The following ARB2A variants were observed in gnomAD, a reference collection of about 807,000 sequenced individuals.
ARB2A encodes ARB2 cotranscriptional regulator A, also known as cotranscriptional regulator ARB2A.
At chr5:93,969,620 G>A in the ARB2A span, among the ~76,000 whole-genome samples, 1 of 152,046 alleles carries the variant, frequency 6.6e-6, no homozygotes, top group Non-Finnish European at 1.5e-5. Context: ...GAGAGCAGGG[G>A]TGATCAATGA....
chr5:93,852,157 G>C, the ARB2A span, among the ~76,000 whole-genome samples: 1 of 152,170 alleles, frequency 6.6e-6, no homozygotes, highest in Non-Finnish European at 1.5e-5. Context: ...TAACTGGTGT[G>C]AGATGGTATC....
chr5:93,846,686 ATAT>A, the ARB2A span, among the ~76,000 whole-genome samples: 1 of 152,128 alleles, frequency 6.6e-6, no homozygotes, highest in African/African-American at 2.4e-5. Flanking sequence ...ATACTTATTA[ATAT>A]TATAATATTA....
At chr5:93,826,064 TA>T in the ARB2A span, among the ~76,000 whole-genome samples, 1 of 152,132 alleles carries the variant, frequency 6.6e-6, no homozygotes, top group South Asian at 2.1e-4. Flanking sequence ...GTATGTCACT[TA>T]AGTTGCAAAA....
chr5:93,817,427 C>T, the ARB2A span, among the ~76,000 whole-genome samples: 29 of 152,054 alleles, frequency 1.9e-4, no homozygotes, highest in African/African-American at 5.1e-4. Flanking sequence ...TTAATCAATC[C>T]CAATACAAAT....
the ARB2A span, chr5:94,050,792 A>G: frequency 3.7e-6 from 6 of 1,612,824 alleles, no homozygotes; most frequent in Non-Finnish European, 4.2e-6. Flanking sequence ...GTAGTTAAAA[A>G]CAAATGGTTC....
the ARB2A span, among the ~76,000 whole-genome samples, chr5:93,707,576 CT>C: frequency 8.6e-4 from 119 of 138,030 alleles, no homozygotes; most frequent in Middle Eastern, 3.8e-3. Context: ...TTTTTTCTTT[CT>C]TTTTTTTTTT....
the ARB2A span, among the ~76,000 whole-genome samples, chr5:93,939,792 G>A: frequency 6.6e-6 from 1 of 151,970 alleles, no homozygotes; most frequent in Non-Finnish European, 1.5e-5. Context: ...TTTTCATTCA[G>A]AATTTAAGTT....
chr5:93,721,345 T>C, the ARB2A span, among the ~76,000 whole-genome samples: 1 of 152,186 alleles, frequency 6.6e-6, no homozygotes, highest in South Asian at 2.1e-4. Context: ...GGCAAAAAAA[T>C]AAGGCTTTCT....
the ARB2A span, among the ~76,000 whole-genome samples, chr5:93,663,139 A>C: frequency 3.9e-5 from 6 of 152,280 alleles, no homozygotes; most frequent in South Asian, 1.2e-3. Flanking sequence ...TTTGGAGGGG[A>C]CATATTCAAA....
At chr5:93,692,092 C>A in the ARB2A span, among the ~76,000 whole-genome samples, 1 of 152,092 alleles carries the variant, frequency 6.6e-6, no homozygotes, top group Non-Finnish European at 1.5e-5. Flanking sequence ...TAAAGACCAT[C>A]GACACTATAA....
the ARB2A span, among the ~76,000 whole-genome samples, chr5:93,896,440 G>A: frequency 3.3e-5 from 5 of 152,176 alleles, no homozygotes; most frequent in African/African-American, 1.2e-4. Context: ...TTCAGGCCAT[G>A]TGTATAAGGT....
the ARB2A span, among the ~76,000 whole-genome samples, chr5:94,031,269 G>A: frequency 1.3e-5 from 2 of 152,192 alleles, no homozygotes; most frequent in African/African-American, 4.8e-5. Flanking sequence ...AATACCTTAA[G>A]TGGTCATAAC....
At chr5:93,709,632 CAAAAAAAAAAAAAAA>C in the ARB2A span, among the ~76,000 whole-genome samples, 2 of 41,698 alleles carry the variant, frequency 4.8e-5, no homozygotes, top group African/African-American at 1.5e-4. Flanking sequence ...GACTCTGTCA[CAAAAAAAAAAAAAAA>C]AAAAAAAAAA....
At chr5:93,829,613 A>T in the ARB2A span, among the ~76,000 whole-genome samples, 1 of 152,218 alleles carries the variant, frequency 6.6e-6, no homozygotes, top group East Asian at 1.9e-4. Flanking sequence ...AATGAATAAC[A>T]AAACCACAAC....
the ARB2A span, among the ~76,000 whole-genome samples, chr5:93,633,789 ATAGATTGACAAATCTACCCTGTC>A: frequency 2.6e-5 from 4 of 152,124 alleles, no homozygotes; most frequent in African/African-American, 9.7e-5. Context: ...CATCTTCAAC[ATAGATTGACAAATCTACCCTGTC>A]TATATATATC....
the ARB2A span, among the ~76,000 whole-genome samples, chr5:93,657,840 C>A: frequency 6.7e-4 from 102 of 152,236 alleles, no homozygotes; most frequent in East Asian, 0.016. Flanking sequence ...AACTTTGATT[C>A]AATCCCCAGG....
At chr5:93,660,522 A>G in the ARB2A span, among the ~76,000 whole-genome samples, 1 of 152,138 alleles carries the variant, frequency 6.6e-6, no homozygotes, top group Admixed American at 6.6e-5. Context: ...GCTTATAATT[A>G]TTTGGAGAAC....
At chr5:93,762,696 G>A in the ARB2A span, among the ~76,000 whole-genome samples, 1 of 152,160 alleles carries the variant, frequency 6.6e-6, no homozygotes, top group African/African-American at 2.4e-5. Flanking sequence ...AGGAAATACA[G>A]AGAACGCCAC....
At chr5:94,053,073 AT>A in the ARB2A span, 19 of 544,560 alleles carry the variant, frequency 3.5e-5, 1 homozygote, top group Non-Finnish European at 5.2e-5. Flanking sequence ...TGCATATACT[AT>A]AGATAGATAG....
Sources: allele counts gnomAD v4.1 joint callset (sites outside exome capture counted in the v4.1 genomes callset), GRCh38; gene constraint gnomAD v4.1.1; transcripts MANE v1.5; gene names NCBI Gene and HGNC (gene_info 2026-07-23, HGNC 2026-07-21).